Variants in NEDD4 observed in about 807,000 individuals in gnomAD.
NEDD4 encodes the protein NEDD4 E3 ubiquitin protein ligase.
NEDD4 carries 99 observed loss-of-function variants against 144.9 expected under a neutral mutation model. The observed-to-expected ratio is 0.68, with a 90% CI of 0.58 to 0.81. The LOEUF (loss-of-function observed/expected upper bound fraction) is 0.81, where lower values mean the gene tolerates loss of function less well. Ranked by LOEUF, NEDD4 falls within the 30% of genes least tolerant of loss-of-function variation. NEDD4 has a pLI of 0.00. For synonymous variants in NEDD4, 318 were observed against 350.6 expected, an observed-to-expected ratio of 0.91 and a Z score of 1.04; for missense variants, 985 against 1,065.9, an observed-to-expected ratio of 0.92 and a Z score of 1.06.
At chr15:55,841,270 T>G (rs555283936) in intron 19 of NEDD4, among the ~76,000 whole-genome samples, 1 of 152,310 alleles carries the variant, frequency 6.6e-6, no homozygotes, top group South Asian at 2.1e-4. Context: ...GGAATATTAT[T>G]CTGCCTTAAA....
At chr15:55,922,258 T>A (rs903465658) in intron 5 of NEDD4, among the ~76,000 whole-genome samples, 2 of 152,216 alleles carry the variant, frequency 1.3e-5, no homozygotes, top group African/African-American at 4.8e-5. Context: ...AAATGTGTAA[T>A]CACAGATCTC....
rs79970170 is a variant in NEDD4 at position 55,915,708 on chromosome 15, C to G, written c.291+8938G>C. 2 of 1,613,840 alleles carry G rather than the reference C, an allele frequency of 1.2e-6. No homozygotes were observed. The highest frequency in any genetic ancestry group is 1.6e-4 in the Middle Eastern group (1 of 6,084). ...TCGTTGGGTGAAATGCACTGAAACA[C>G]AAGAATATCCTTCAGATGACTTTTC... On this transcript the variant is annotated intron_variant, in intron 5 of 28. Transcript: ENST00000435532.
intron 1 of NEDD4, among the ~76,000 whole-genome samples, chr15:55,990,443 A>G (rs1036049112): frequency 1.3e-5 from 2 of 152,114 alleles, no homozygotes; most frequent in African/African-American, 4.8e-5. Context: ...AATATAATCA[A>G]TCTTGACGTC....
intron 12 of NEDD4, among the ~76,000 whole-genome samples, chr15:55,855,386 C>A (rs1405225354): frequency 2.6e-5 from 4 of 152,132 alleles, no homozygotes; most frequent in South Asian, 4.1e-4. Context: ...GACATGGGAA[C>A]AGTCTGCTTG....
rs116819209 is a variant in NEDD4, at chr15:55,908,128, C to A, written c.291+16518G>T. 5.7e-3 allele frequency among the ~76,000 whole-genome samples: 863 copies of A among 152,300 alleles called. 11 individuals are homozygous for A. Among genetic ancestry groups the A allele is most frequent in the African/African-American group, 0.019 (807 of 41,564 alleles). ...GCAAGGCTGTGTGTAGTCATCCTCA[C>A]CTATCAGGATTCTGCAGTCATCTCT... On this transcript the variant is annotated intron_variant, in intron 5 of 28. Transcript: ENST00000435532.
chr15:55,869,319 C>T (rs2034691882), intron 8 of NEDD4, among the ~76,000 whole-genome samples: 1 of 152,138 alleles, frequency 6.6e-6, no homozygotes, highest in Admixed American at 6.6e-5. Flanking sequence ...GGAGAATATA[C>T]AGTTTTAGAA....
At chr15:55,845,100 G>A (rs546448677) in intron 18 of NEDD4, among the ~76,000 whole-genome samples, 22 of 152,258 alleles carry the variant, frequency 1.4e-4, no homozygotes, top group Non-Finnish European at 2.9e-4. Flanking sequence ...TTTTACTAAT[G>A]TGAGAATTCA....
At chr15:55,833,909 A>G (rs1209585489) in intron 26 of NEDD4, 129 bp downstream of exon 26, 4 of 682,820 alleles carry the variant, frequency 5.9e-6, no homozygotes, top group Non-Finnish European at 9.9e-6. Flanking sequence ...ATCAAAGATA[A>G]TTTTTTCTGG....
At chr15:55,946,541 C>A (rs2037117092) in intron 4 of NEDD4, among the ~76,000 whole-genome samples, 1 of 152,178 alleles carries the variant, frequency 6.6e-6, no homozygotes, top group Non-Finnish European at 1.5e-5. Context: ...GACTTAGACT[C>A]CCACACAATA....
intron 2 of NEDD4, among the ~76,000 whole-genome samples, chr15:55,952,998 C>CT (rs1321937866): frequency 4.6e-4 from 58 of 125,896 alleles, no homozygotes; most frequent in African/African-American, 1.1e-3. Flanking sequence ...TTTTTTTTTT[C>CT]TTTTTTTTTG....
intron 5 of NEDD4, among the ~76,000 whole-genome samples, chr15:55,879,780 CAAGATAGAGTTAG>C (rs1433416654): frequency 2.5e-4 from 38 of 151,886 alleles, no homozygotes; most frequent in Admixed American, 1.3e-4. Flanking sequence ...TCAAAAACTT[CAAGATAGAGTTAG>C]AAGATAGAGT....
chr15:55,939,145 A>G (rs1281297499), intron 4 of NEDD4, among the ~76,000 whole-genome samples: 2 of 145,916 alleles, frequency 1.4e-5, no homozygotes, highest in African/African-American at 5.1e-5. Flanking sequence ...CCCACCACCA[A>G]CAATAATATG....
chr15:55,883,620 C>A (rs1216512544), intron 5 of NEDD4, among the ~76,000 whole-genome samples: 1 of 151,700 alleles, frequency 6.6e-6, no homozygotes, highest in Non-Finnish European at 1.5e-5. Flanking sequence ...CAGTGCATTC[C>A]CAGTGGTGGT....
At chr15:55,965,687 T>TATGC (rs1555408471) in intron 2 of NEDD4, among the ~76,000 whole-genome samples, 37 of 150,424 alleles carry the variant, frequency 2.5e-4, no homozygotes, top group South Asian at 2.1e-4. Context: ...TGTATGTATG[T>TATGC]ATGCATGCAT....
chr15:55,909,150 T>C (rs546813958), intron 5 of NEDD4, among the ~76,000 whole-genome samples: 1 of 152,320 alleles, frequency 6.6e-6, no homozygotes, highest in Non-Finnish European at 1.5e-5. Context: ...TCCTCGGGCC[T>C]AACTAGAAAT....
intron 1 of NEDD4, among the ~76,000 whole-genome samples, chr15:55,983,198 G>T (rs552849616): frequency 6.6e-6 from 1 of 152,218 alleles, no homozygotes; most frequent in African/African-American, 2.4e-5. Context: ...GAAGCAAGAA[G>T]AAATAAAGAA....
At chr15:55,903,436 G>C (rs1352979253) in intron 5 of NEDD4, among the ~76,000 whole-genome samples, 1 of 152,090 alleles carries the variant, frequency 6.6e-6, no homozygotes, top group Non-Finnish European at 1.5e-5. Flanking sequence ...TTCTAATATG[G>C]AGATATAATC....
At chr15:55,959,344 C>T (rs1237631259) in intron 2 of NEDD4, among the ~76,000 whole-genome samples, 1 of 151,946 alleles carries the variant, frequency 6.6e-6, no homozygotes, top group Admixed American at 6.6e-5. Context: ...AATTGAATTC[C>T]ACTGTTCTCA....
intron 18 of NEDD4, among the ~76,000 whole-genome samples, chr15:55,845,318 A>G (rs1362434775): frequency 6.6e-6 from 1 of 152,174 alleles, no homozygotes; most frequent in East Asian, 1.9e-4. Context: ...ATCTGGAGCT[A>G]GACCACTTAG....
Sources: gnomAD v4.1 joint callset for allele counts (sites outside exome capture counted in the v4.1 genomes callset) on GRCh38, gnomAD v4.1.1 for gene constraint, MANE v1.5 for transcripts, NCBI Gene and HGNC (gene_info 2026-07-23, HGNC 2026-07-21) for gene names.